The following KLHL1 variants were observed in gnomAD, a reference collection of about 807,000 sequenced individuals.
KLHL1 encodes kelch like family member 1, also known as kelch-like protein 1.
In KLHL1, 47 loss-of-function variants were observed where a neutral mutation model predicts 77.7. The observed-to-expected ratio is 0.60, with a 90% CI of 0.48 to 0.77. KLHL1 has a LOEUF of 0.77. KLHL1 is among the 30% of genes least tolerant of loss of function. KLHL1 has a pLI of 0.00. For synonymous variants in KLHL1, 360 were observed against 325.2 expected (o/e 1.11, Z -1.15); for missense variants, 925 against 910.8 (o/e 1.02, Z -0.20).
intron 5 of KLHL1, among the ~76,000 whole-genome samples, chr13:69,871,160 C>A (rs193258178): frequency 1.3e-5 from 2 of 152,130 alleles, no homozygotes; most frequent in African/African-American, 4.8e-5. Flanking sequence ...GATATGGAAG[C>A]TGCAAAGGCT....
chr13:70,032,580 G>A (rs1207704777), intron 1 of KLHL1, among the ~76,000 whole-genome samples: 2 of 152,180 alleles, frequency 1.3e-5, no homozygotes, highest in South Asian at 4.1e-4. Context: ...TACTTACGAT[G>A]TTAGTTAAAA....
intron 6 of KLHL1, chr13:69,802,900 A>G (rs1469549169): frequency 1.3e-5 from 2 of 152,014 alleles, no homozygotes; most frequent in Admixed American, 1.3e-4. Context: ...CTGGGTTCCT[A>G]CAATGTCCAT....
chr13:69,837,641 T>TAC (rs1185363878), intron 6 of KLHL1, among the ~76,000 whole-genome samples: 121 of 135,420 alleles, frequency 8.9e-4, no homozygotes, highest in Admixed American at 2.3e-3. Flanking sequence ...TATATATATA[T>TAC]ATGTGTATAT....
chr13:69,777,193 C>T (rs2137994209), intron 7 of KLHL1, among the ~76,000 whole-genome samples: 1 of 152,178 alleles, frequency 6.6e-6, no homozygotes, highest in Non-Finnish European at 1.5e-5. Context: ...CTTCACCTTC[C>T]ACCATGACTC....
At chr13:70,088,519 A>G (rs925355693) in intron 1 of KLHL1, among the ~76,000 whole-genome samples, 2 of 152,112 alleles carry the variant, frequency 1.3e-5, no homozygotes, top group African/African-American at 2.4e-5. Flanking sequence ...AACTCTATAA[A>G]ATAAACTTGT....
chr13:69,985,003 C>G (rs551863254), intron 1 of KLHL1, among the ~76,000 whole-genome samples: 1 of 152,092 alleles, frequency 6.6e-6, no homozygotes, highest in African/African-American at 2.4e-5. Context: ...ACCAGCTACT[C>G]AGGAGGCTGA....
chr13:69,838,541 A>G (rs1314797706), intron 6 of KLHL1, among the ~76,000 whole-genome samples: 3 of 151,856 alleles, frequency 2.0e-5, no homozygotes, highest in Non-Finnish European at 4.4e-5. Flanking sequence ...AACTTTCACC[A>G]TTCTTATACT....
chr13:69,854,384 C>T (rs1470927796), intron 5 of KLHL1, among the ~76,000 whole-genome samples: 1 of 151,858 alleles, frequency 6.6e-6, no homozygotes, highest in Admixed American at 6.6e-5. Flanking sequence ...TTTTAACATC[C>T]AGCTCTCCCA....
chr13:69,879,210 AT>A (rs1039435981), intron 5 of KLHL1, among the ~76,000 whole-genome samples: 5 of 152,042 alleles, frequency 3.3e-5, no homozygotes, highest in African/African-American at 1.2e-4. Flanking sequence ...ATAATAAAAA[AT>A]ATATATATAA....
At chr13:69,748,234 C>A (rs547343670) in intron 7 of KLHL1, among the ~76,000 whole-genome samples, 1 of 152,108 alleles carries the variant, frequency 6.6e-6, no homozygotes, top group Non-Finnish European at 1.5e-5. Flanking sequence ...AAATCCCAAT[C>A]CACTGTTGCC....
intron 5 of KLHL1, among the ~76,000 whole-genome samples, chr13:69,871,142 C>A (rs773346591): frequency 6.6e-6 from 1 of 152,152 alleles, no homozygotes; most frequent in Non-Finnish European, 1.5e-5. Flanking sequence ...CACTTGCAGA[C>A]TTAACAAGAT....
intron 7 of KLHL1, among the ~76,000 whole-genome samples, chr13:69,785,085 G>C (rs1011077108): frequency 6.6e-6 from 1 of 151,050 alleles, no homozygotes; most frequent in Admixed American, 6.6e-5. Flanking sequence ...GTAGAGACGG[G>C]GTTTCACCAT....
At chr13:69,740,786 T>C (rs1873956608) in intron 7 of KLHL1, among the ~76,000 whole-genome samples, 1 of 152,126 alleles carries the variant, frequency 6.6e-6, no homozygotes, top group Non-Finnish European at 1.5e-5. Flanking sequence ...ACTATTACAA[T>C]CTCATAGAAA....
At chr13:69,782,333 G>A (rs932992278) in intron 7 of KLHL1, among the ~76,000 whole-genome samples, 16 of 152,202 alleles carry the variant, frequency 1.1e-4, no homozygotes, top group African/African-American at 2.7e-4. Context: ...TGGGTGCAGC[G>A]CACCGTGTGC....
rs572336207 is a variant in KLHL1 at position 70,070,849 on chromosome 13, G to A, written c.497+36354C>T. Among the ~76,000 whole-genome samples the A allele has an allele frequency of 1.5e-3, 235 of 152,066 alleles. 4 individuals carry two copies. The highest frequency in any genetic ancestry group is 5.5e-3 in the African/African-American group (227 of 41,440). On this transcript the variant is annotated intron_variant, in intron 1 of 10. Transcript: ENST00000377844. ...TGAAGCAGTAGAGTGTTATTGCAAT[G>A]GGGACTTGAATTACTTATAAATGTA...
At chr13:69,838,904 A>G in intron 6 of KLHL1, 72 bp downstream of exon 6, 1 of 963,370 alleles carries the variant, frequency 1.0e-6, no homozygotes, top group Non-Finnish European at 1.5e-6. Context: ...TTGTAGTATC[A>G]CCATTACAAT....
At chr13:70,002,167 C>T (rs1326602915) in intron 1 of KLHL1, among the ~76,000 whole-genome samples, 1 of 151,356 alleles carries the variant, frequency 6.6e-6, no homozygotes, top group African/African-American at 2.4e-5. Context: ...TACATAAAAT[C>T]AATGTTTATA....
At chr13:69,858,919 T>C (rs903572767) in intron 5 of KLHL1, among the ~76,000 whole-genome samples, 11 of 152,008 alleles carry the variant, frequency 7.2e-5, no homozygotes, top group African/African-American at 2.7e-4. Context: ...AAATAAGACA[T>C]TCTATTCTTA....
chr13:69,743,941 T>A (rs1248627836), intron 7 of KLHL1, among the ~76,000 whole-genome samples: 1 of 152,106 alleles, frequency 6.6e-6, no homozygotes, highest in Non-Finnish European at 1.5e-5. Context: ...GCTTGAGAAC[T>A]CTATTTTGGA....
Sources: gnomAD v4.1 joint callset for allele counts (sites outside exome capture counted in the v4.1 genomes callset) on GRCh38, gnomAD v4.1.1 for gene constraint, MANE v1.5 for transcripts, NCBI Gene and HGNC (gene_info 2026-07-23, HGNC 2026-07-21) for gene names.